The following PTPN14 variants were observed in gnomAD, a reference collection of about 807,000 sequenced individuals.
The protein encoded by PTPN14 is tyrosine-protein phosphatase non-receptor type 14.
In PTPN14, 53 loss-of-function variants were observed where a neutral mutation model predicts 126.8. The ratio of observed to expected loss-of-function variants is 0.42; its 90% CI spans 0.34 to 0.53. The LOEUF (loss-of-function observed/expected upper bound fraction) is 0.53. Ranked by LOEUF, PTPN14 falls within the 20% of genes least tolerant of loss-of-function variation. PTPN14 has a pLI of 0.08. For missense variants in PTPN14, 1,257 were observed against 1,552.9 expected, an observed-to-expected ratio of 0.81 and a Z score of 3.20; for synonymous variants, 630 against 599.3, an observed-to-expected ratio of 1.05 and a Z score of -0.75.
intron 1 of PTPN14, among the ~76,000 whole-genome samples, chr1:214,498,582 A>T (rs1355342620): frequency 6.6e-6 from 1 of 152,104 alleles, no homozygotes; most frequent in Non-Finnish European, 1.5e-5. Context: ...ATATGGAAAC[A>T]TATCCAAATA....
In PTPN14 at chr1:214,357,815, G is replaced by C. The variant is rs1177555135; in HGVS notation, c.*107C>G. ...GCTACTGTCTTCAGAGAGCCTGTTT[G>C]CTGCCAGCCACCTGCACCCCTGTGG... is the stretch of plus-strand genomic sequence containing the variant. On this transcript the variant is annotated 3_prime_UTR_variant, in exon 19 of 19. Coordinates refer to ENST00000366956, the MANE Select transcript of PTPN14 (RefSeq NM_005401.5). 2 of 893,572 alleles carry C rather than the reference G, an allele frequency of 2.2e-6. No homozygotes were observed. The highest frequency in any genetic ancestry group is 2.5e-5 in the East Asian group (1 of 39,886). The allele number at this position is 893,572 out of a possible 1,614,324, so 55.4% of individuals were successfully genotyped here. A position where few individuals can be genotyped will look rare whatever the true frequency, so the allele number is the denominator to read the frequency against.
intron 11 of PTPN14, among the ~76,000 whole-genome samples, chr1:214,389,022 T>C (rs1366220082): frequency 6.6e-6 from 1 of 152,148 alleles, no homozygotes; most frequent in East Asian, 1.9e-4. Context: ...AAAGAAAAGG[T>C]GCTATATTCC....
chr1:214,474,799 T>A (rs1660832729), intron 1 of PTPN14, among the ~76,000 whole-genome samples: 1 of 152,158 alleles, frequency 6.6e-6, no homozygotes, highest in Admixed American at 6.5e-5. Flanking sequence ...CTCCCCTGGT[T>A]ATTGTTTAAA....
intron 1 of PTPN14, among the ~76,000 whole-genome samples, chr1:214,475,505 G>A (rs541746301): frequency 6.6e-5 from 10 of 152,250 alleles, no homozygotes; most frequent in Middle Eastern, 3.4e-3. Flanking sequence ...GTCTAGTCAC[G>A]CCAGGAATGC....
At chr1:214,510,121 C>T (rs138543843) in intron 1 of PTPN14, among the ~76,000 whole-genome samples, 11 of 151,996 alleles carry the variant, frequency 7.2e-5, no homozygotes, top group East Asian at 3.9e-4. Flanking sequence ...AATAGGGAGG[C>T]GGGAGGAGAG....
rs577732385 is a variant in PTPN14 at position 214,351,895 on chromosome 1, A to T, written c.*6027T>A. Reference sequence around the variant, plus strand: ...TATTTGTGAAACAGAGAACTTTTGGATAGCAACTTCAGGACTGATGCAAAA... The same window carrying T: ...TATTTGTGAAACAGAGAACTTTTGGTTAGCAACTTCAGGACTGATGCAAAA... On this transcript the variant is annotated 3_prime_UTR_variant, in exon 19 of 19. Transcript: ENST00000366956. 4.6e-5 allele frequency: 7 copies of T among 152,318 alleles called. No homozygotes were observed. The highest frequency in any genetic ancestry group is 1.7e-4 in the African/African-American group (7 of 41,562). 9.4% of individuals were successfully genotyped at this position (152,318 alleles called of 1,614,324 possible).
intron 5 of PTPN14, 54 bp downstream of exon 5, chr1:214,411,630 C>A: frequency 7.7e-7 from 1 of 1,297,700 alleles, no homozygotes; most frequent in South Asian, 1.4e-5. Context: ...AAGGAAAGAA[C>A]TAAATGTCCA....
intron 8 of PTPN14, among the ~76,000 whole-genome samples, chr1:214,395,784 G>A (rs553675161): frequency 5.4e-4 from 82 of 152,136 alleles, no homozygotes; most frequent in South Asian, 1.5e-3. Context: ...GCCCCAACCT[G>A]TAATTCCCTG....
chr1:214,523,416 C>T (rs1259574043), intron 1 of PTPN14, among the ~76,000 whole-genome samples: 1 of 152,160 alleles, frequency 6.6e-6, no homozygotes, highest in Admixed American at 6.5e-5. Flanking sequence ...TGTTTCGATA[C>T]ACAGATACTT....
At chr1:214,494,452 T>C (rs1356172739) in intron 1 of PTPN14, among the ~76,000 whole-genome samples, 3 of 152,178 alleles carry the variant, frequency 2.0e-5, no homozygotes, top group South Asian at 4.1e-4. Flanking sequence ...CTTAGAGAGG[T>C]TGGCGATTCC....
chr1:214,537,053 A>C (rs927506854), intron 1 of PTPN14, among the ~76,000 whole-genome samples: 7 of 152,258 alleles, frequency 4.6e-5, no homozygotes, highest in Admixed American at 1.3e-4. Flanking sequence ...TTACAAAAGA[A>C]TCTGGTATGC....
In PTPN14 at chr1:214,355,991, C is replaced by T. The variant is rs1350092601; in HGVS notation, c.*1931G>A. On this transcript the variant is annotated 3_prime_UTR_variant, in exon 19 of 19. Transcript: ENST00000366956. ...TTTTTTTTTTTTGGAGGCAGGGTCTCTCCGTAGCCCAGCCTGGACTACAGT... is the reference window on the plus strand; with the variant it reads ...TTTTTTTTTTTTGGAGGCAGGGTCTTTCCGTAGCCCAGCCTGGACTACAGT... 2 of 131,692 alleles carry T rather than the reference C, an allele frequency of 1.5e-5. No individual in the cohort carries two copies. The highest frequency in any genetic ancestry group is 3.1e-5 in the Non-Finnish European group (2 of 64,896). The allele number at this position is 131,692 out of a possible 1,614,324, so 8.2% of individuals were successfully genotyped here. A position where few individuals can be genotyped will look rare whatever the true frequency, so the allele number is the denominator to read the frequency against.
chr1:214,528,187 G>C (rs1023543476), intron 1 of PTPN14: 1 of 152,136 alleles, frequency 6.6e-6, no homozygotes, highest in Non-Finnish European at 1.5e-5. Context: ...ACATAAAAAT[G>C]TATATGTTAT....
At chr1:214,537,498 C>T (rs4326598) in intron 1 of PTPN14, among the ~76,000 whole-genome samples, 24,458 of 152,066 alleles carry the variant, frequency 0.16, 2,157 homozygotes, top group Middle Eastern at 0.26. Context: ...TTTCTAAGCC[C>T]GAGTTGTCTC....
intron 10 of PTPN14, 138 bp downstream of exon 10, chr1:214,393,557 G>A: frequency 1.4e-6 from 1 of 697,582 alleles, no homozygotes; most frequent in Non-Finnish European, 2.5e-6. Flanking sequence ...TTCCTGCCCT[G>A]GCTTTAGCTT....
At chr1:214,378,197 A>G in intron 13 of PTPN14, 95 bp from the exon 14 acceptor site, 1 of 1,415,700 alleles carries the variant, frequency 7.1e-7, no homozygotes, top group East Asian at 2.4e-5. Flanking sequence ...TCCCCAGCCA[A>G]GGAATGCAGA....
intron 1 of PTPN14, among the ~76,000 whole-genome samples, chr1:214,499,601 T>C (rs1030289148): frequency 7.2e-5 from 11 of 152,170 alleles, no homozygotes; most frequent in African/African-American, 1.7e-4. Context: ...TTTTAACACA[T>C]TGTATCTCTT....
intron 1 of PTPN14, among the ~76,000 whole-genome samples, chr1:214,504,731 G>A (rs1365885837): frequency 6.6e-6 from 1 of 152,132 alleles, no homozygotes; most frequent in Non-Finnish European, 1.5e-5. Context: ...GAGCTTAATC[G>A]AGGGGAGACC....
At chr1:214,404,588 A>G (rs187209685) in intron 5 of PTPN14, among the ~76,000 whole-genome samples, 41 of 152,178 alleles carry the variant, frequency 2.7e-4, no homozygotes, top group African/African-American at 9.9e-4. Flanking sequence ...TCCTACTTTT[A>G]AAAAGAAGCC....
Sources: allele counts gnomAD v4.1 joint callset (sites outside exome capture counted in the v4.1 genomes callset), GRCh38; gene constraint gnomAD v4.1.1; transcripts MANE v1.5; gene names NCBI Gene and HGNC (gene_info 2026-07-23, HGNC 2026-07-21).